The following XKR4 variants were observed in gnomAD, a reference collection of about 807,000 sequenced individuals.
XKR4 encodes the protein XK related 4, also known as XK-related protein 4.
XKR4 carries 12 observed loss-of-function variants against 53.9 expected under a neutral mutation model. The observed-to-expected ratio is 0.22, with a 90% CI of 0.14 to 0.36. The LOEUF is 0.36. Ranked by LOEUF, XKR4 falls within the 10% of genes least tolerant of loss-of-function variation. The pLI is 1.00. For missense variants in XKR4, 799 were observed against 859.5 expected (o/e 0.93, Z 0.88); for synonymous variants, 354 against 362.4 (o/e 0.98, Z 0.26).
At chr8:55,467,000 G>C (rs966796428) in intron 2 of XKR4, among the ~76,000 whole-genome samples, 1 of 152,128 alleles carries the variant, frequency 6.6e-6, no homozygotes, top group Admixed American at 6.5e-5. Context: ...TGTGGGTCAG[G>C]GACCTAGTCA....
intron 1 of XKR4, among the ~76,000 whole-genome samples, chr8:55,268,118 A>G (rs1253591370): frequency 6.6e-6 from 1 of 152,192 alleles, no homozygotes; most frequent in Non-Finnish European, 1.5e-5. Flanking sequence ...TTATGAAAAG[A>G]CATTGTCGGA....
intron 2 of XKR4, among the ~76,000 whole-genome samples, chr8:55,479,873 C>A (rs963815899): frequency 2.0e-5 from 3 of 152,150 alleles, no homozygotes; most frequent in African/African-American, 4.8e-5. Context: ...TCTGAATAGA[C>A]CAATAACAGG....
chr8:55,450,799 G>T (rs1405352384), intron 2 of XKR4: 15 of 523,512 alleles, frequency 2.9e-5, no homozygotes, highest in East Asian at 2.2e-4. Context: ...CTGCACCAAG[G>T]ATACCACATG....
intron 2 of XKR4, among the ~76,000 whole-genome samples, chr8:55,460,139 C>G (rs540327542): frequency 2.9e-4 from 44 of 151,974 alleles, no homozygotes; most frequent in African/African-American, 1.0e-3. Context: ...TAAAATGAAC[C>G]TCAAAAATCT....
intron 1 of XKR4, among the ~76,000 whole-genome samples, chr8:55,314,476 T>A (rs1819435356): frequency 6.6e-6 from 1 of 152,122 alleles, no homozygotes; most frequent in Non-Finnish European, 1.5e-5. Flanking sequence ...GTCCCGACAT[T>A]CAGCTCCCGG....
chr8:55,170,567 G>A (rs12549685), intron 1 of XKR4, among the ~76,000 whole-genome samples: 20 of 152,146 alleles, frequency 1.3e-4, no homozygotes, highest in Non-Finnish European at 2.5e-4. Flanking sequence ...CTACAGAGCT[G>A]TAAGCAAAGT....
chr8:55,336,490 T>C (rs1022799478), intron 1 of XKR4, among the ~76,000 whole-genome samples: 2 of 152,212 alleles, frequency 1.3e-5, no homozygotes, highest in Admixed American at 1.3e-4. Flanking sequence ...TTAATAGCAT[T>C]GTTCCAATGT....
At chr8:55,379,602 C>T (rs1268210842) in intron 2 of XKR4, among the ~76,000 whole-genome samples, 1 of 152,202 alleles carries the variant, frequency 6.6e-6, no homozygotes, top group Non-Finnish European at 1.5e-5. Context: ...TGCAGCATTT[C>T]CCGGGTGCTG....
intron 1 of XKR4, among the ~76,000 whole-genome samples, chr8:55,141,278 G>GC (rs898266961): frequency 4.7e-4 from 71 of 152,220 alleles, no homozygotes; most frequent in African/African-American, 1.7e-3. Context: ...TCTGCCTCCA[G>GC]CCCCCTCTCC....
intron 2 of XKR4, chr8:55,452,951 C>A: frequency 1.3e-6 from 1 of 782,688 alleles, no homozygotes; most frequent in East Asian, 2.8e-5. Flanking sequence ...GCATCAGCTC[C>A]TGCTGCTTCT....
chr8:55,362,145 T>C (rs1218505618), intron 2 of XKR4, among the ~76,000 whole-genome samples: 1 of 152,190 alleles, frequency 6.6e-6, no homozygotes, highest in East Asian at 1.9e-4. Flanking sequence ...TAGGGCTTCT[T>C]AGGCTTGATC....
chr8:55,396,080 C>T (rs983268638), intron 2 of XKR4, among the ~76,000 whole-genome samples: 3 of 152,208 alleles, frequency 2.0e-5, no homozygotes, highest in African/African-American at 7.2e-5. Flanking sequence ...ACGTCCTGAC[C>T]ACCTCCTAAT....
chr8:55,140,078 GA>G, intron 1 of XKR4: 1 of 335,088 alleles, frequency 3.0e-6, no homozygotes, highest in Non-Finnish European at 5.8e-6. Context: ...TATTAAATTA[GA>G]AAAACAGTAC....
At chr8:55,437,140 C>T (rs1040425342) in intron 2 of XKR4, among the ~76,000 whole-genome samples, 1 of 152,178 alleles carries the variant, frequency 6.6e-6, no homozygotes, top group African/African-American at 2.4e-5. Context: ...CATATCCAAA[C>T]TGAATCAAGA....
chr8:55,360,071 A>C (rs1017833808), intron 2 of XKR4, among the ~76,000 whole-genome samples: 3 of 152,216 alleles, frequency 2.0e-5, no homozygotes, highest in African/African-American at 4.8e-5. Context: ...AGGTGGCCAA[A>C]AGACAGGTTG....
At chr8:55,316,846 A>G (rs1169332614) in intron 1 of XKR4, among the ~76,000 whole-genome samples, 12 of 152,200 alleles carry the variant, frequency 7.9e-5, no homozygotes, top group Admixed American at 7.9e-4. Flanking sequence ...GAATTCTTAC[A>G]CTGCTTGTAT....
Position 55,142,186 on chromosome 8 carries a change from TCTC to T in XKR4, c.806+38895_806+38897del, listed in dbSNP as rs549657011. On this transcript the variant is annotated intron_variant, in intron 1 of 2. Coordinates refer to ENST00000327381, the MANE Select transcript of XKR4 (RefSeq NM_052898.2). ...TGCTGCTCTCCTGAGCGCTTTGTCT[TCTC>T]CTGCTGATCTGCTGGTCAAACGGCA... The T allele has an allele frequency of 8.1e-5, 37 of 456,098 alleles. 1 individual carries two copies. In the East Asian group the frequency reaches 1.2e-3, roughly 15 times the overall value. The allele number at this position is 456,098 out of a possible 1,614,324, so 28.3% of individuals were successfully genotyped here.
chr8:55,369,873 AT>A (rs1044067413), intron 2 of XKR4, among the ~76,000 whole-genome samples: 12 of 152,124 alleles, frequency 7.9e-5, no homozygotes, highest in African/African-American at 2.9e-4. Context: ...ATTTGCTATA[AT>A]AAATAATGCT....
intron 1 of XKR4, among the ~76,000 whole-genome samples, chr8:55,271,286 T>C (rs931070223): frequency 6.6e-6 from 1 of 152,158 alleles, no homozygotes; most frequent in African/African-American, 2.4e-5. Flanking sequence ...GAATCATTAA[T>C]TAATAGTAAG....
Sources: gnomAD v4.1 joint callset for allele counts (sites outside exome capture counted in the v4.1 genomes callset) on GRCh38, gnomAD v4.1.1 for gene constraint, MANE v1.5 for transcripts, NCBI Gene and HGNC (gene_info 2026-07-23, HGNC 2026-07-21) for gene names.